Variants in DLGAP1 observed in about 807,000 individuals in gnomAD.
DLGAP1 encodes the protein disks large-associated protein 1.
A neutral mutation model predicts 90.8 loss-of-function variants in DLGAP1; 11 were observed. The ratio of observed to expected loss-of-function variants is 0.12; its 90% CI spans 0.08 to 0.20. The LOEUF is 0.20. Among genes scored for constraint, DLGAP1 ranks in the 10% least tolerant of loss-of-function variants. The probability of loss-of-function intolerance (pLI) is 1.00; values close to 1 mark genes in which losing one functional copy is unlikely to be tolerated. For missense variants in DLGAP1, 1,050 were observed against 1,333.8 expected (o/e 0.79, Z 3.31); for synonymous variants, 558 against 540.7 (o/e 1.03, Z -0.44).
intron 4 of DLGAP1, among the ~76,000 whole-genome samples, chr18:3,835,340 A>G (rs556966883): frequency 6.6e-6 from 1 of 152,194 alleles, no homozygotes; most frequent in Non-Finnish European, 1.5e-5. Flanking sequence ...TTATAGAATG[A>G]GTGCTTCATA....
intron 1 of DLGAP1, among the ~76,000 whole-genome samples, chr18:4,326,667 AAAG>A (rs1338335013): frequency 6.6e-6 from 1 of 152,182 alleles, no homozygotes; most frequent in East Asian, 1.9e-4. Context: ...AGCCATAAAA[AAAG>A]AATGAGCTCA....
At chr18:3,583,790 A>G (rs1199234645) in intron 7 of DLGAP1, among the ~76,000 whole-genome samples, 1 of 152,184 alleles carries the variant, frequency 6.6e-6, no homozygotes, top group Non-Finnish European at 1.5e-5. Flanking sequence ...TGTACTAAAA[A>G]TACAAAAATT....
At position 3,891,644 on chromosome 18, in the gene DLGAP1, T is replaced by C. The variant is rs534776322; in HGVS notation, c.-72-11504A>G. On this transcript the variant is annotated intron_variant, in intron 3 of 12. Coordinates refer to ENST00000315677, the MANE Select transcript of DLGAP1 (RefSeq NM_004746.4). ...ATCATAACTATATACCAGGCACGTG[T>C]TGTCCACTTTAAATGCATGATCTCA... 6.2e-4 allele frequency among the ~76,000 whole-genome samples: 94 copies of C among 152,338 alleles called. 1 individual carries two copies. Among genetic ancestry groups the C allele is most frequent in the Non-Finnish European group, 1.2e-3 (84 of 68,040 alleles).
rs550921889 is a variant in DLGAP1 at position 3,740,823 on chromosome 18, T to C, written c.1350+1512A>G. Among the ~76,000 whole-genome samples the C allele has an allele frequency of 2.0e-3, 279 of 142,944 alleles. 6 individuals carry two copies. The highest frequency in any genetic ancestry group is 6.8e-4 in the East Asian group (3 of 4,438). The allele number at this position is 142,944 out of a possible 152,430, so 93.8% of individuals were successfully genotyped here. A position where few individuals can be genotyped will look rare whatever the true frequency, so the allele number is the denominator to read the frequency against. On this transcript the variant is annotated intron_variant, in intron 6 of 12. Transcript: ENST00000315677. ...ACCACCACCGCCACCACTGTCACCA[T>C]TGCTATTACCATAATCATCACCACC... is the stretch of plus-strand genomic sequence containing the variant.
At chr18:4,337,518 G>A (rs958797473) in intron 1 of DLGAP1, among the ~76,000 whole-genome samples, 3 of 152,002 alleles carry the variant, frequency 2.0e-5, no homozygotes, top group African/African-American at 7.3e-5. Context: ...AACAATTATA[G>A]TTCATATCCT....
At chr18:4,306,959 AC>A (rs1427482600) in intron 1 of DLGAP1, among the ~76,000 whole-genome samples, 3 of 152,256 alleles carry the variant, frequency 2.0e-5, no homozygotes, top group African/African-American at 7.2e-5. Flanking sequence ...TCTCAATAGC[AC>A]GTTAATTTTA....
intron 9 of DLGAP1, among the ~76,000 whole-genome samples, chr18:3,549,706 T>C (rs1218129033): frequency 6.6e-6 from 1 of 152,168 alleles, no homozygotes; most frequent in African/African-American, 2.4e-5. Context: ...TATAGCTGTA[T>C]TATTAATTTG....
intron 3 of DLGAP1, among the ~76,000 whole-genome samples, chr18:3,942,387 A>G (rs1023491249): frequency 6.6e-6 from 1 of 152,210 alleles, no homozygotes; most frequent in African/African-American, 2.4e-5. Context: ...GCACAGTCGG[A>G]GCTTTCCACC....
At chr18:3,554,005 G>GT (rs1480204615) in intron 9 of DLGAP1, among the ~76,000 whole-genome samples, 1 of 152,144 alleles carries the variant, frequency 6.6e-6, no homozygotes, top group Non-Finnish European at 1.5e-5. Context: ...ATGGGCTAAT[G>GT]TAAGAAAGTC....
intron 1 of DLGAP1, among the ~76,000 whole-genome samples, chr18:4,295,604 TATA>T (rs1262140220): frequency 6.6e-6 from 1 of 152,230 alleles, no homozygotes; most frequent in Non-Finnish European, 1.5e-5. Context: ...GTCAAGGACC[TATA>T]ATACTAAATG....
At chr18:3,522,192 A>G (rs1268019677) in intron 10 of DLGAP1, among the ~76,000 whole-genome samples, 1 of 139,810 alleles carries the variant, frequency 7.2e-6, no homozygotes, top group Non-Finnish European at 1.5e-5. Context: ...GCTGGAGTGC[A>G]ATAGTACCAT....
At chr18:3,860,068 C>A (rs986186859) in intron 4 of DLGAP1, among the ~76,000 whole-genome samples, 10 of 126,468 alleles carry the variant, frequency 7.9e-5, no homozygotes, top group Non-Finnish European at 1.6e-4. Flanking sequence ...CACTGCACTC[C>A]AGCCTGGGCG....
intron 3 of DLGAP1, chr18:3,977,515 C>G (rs1260507379): frequency 6.7e-6 from 1 of 149,232 alleles, no homozygotes; most frequent in Non-Finnish European, 1.4e-5. Flanking sequence ...AGGTCTCACC[C>G]TCTTCAGGGG....
intron 1 of DLGAP1, among the ~76,000 whole-genome samples, chr18:4,204,877 A>ATT (rs66487258): frequency 5.4e-5 from 8 of 147,082 alleles, no homozygotes; most frequent in Non-Finnish European, 1.1e-4. Context: ...CCTTTTCCCA[A>ATT]TTTTTTTTTT....
chr18:3,801,110 A>C (rs1382866449), intron 5 of DLGAP1, among the ~76,000 whole-genome samples: 1 of 152,116 alleles, frequency 6.6e-6, no homozygotes, highest in Non-Finnish European at 1.5e-5. Context: ...GAACAACCAG[A>C]TCTTGCGTGA....
chr18:3,518,700 CATA>C (rs753616172), intron 10 of DLGAP1, among the ~76,000 whole-genome samples: 2 of 152,100 alleles, frequency 1.3e-5, no homozygotes, highest in Non-Finnish European at 2.9e-5. Context: ...CTTTAATGGC[CATA>C]ATATCATCTC....
At chr18:4,307,706 T>G (rs529444815) in intron 1 of DLGAP1, among the ~76,000 whole-genome samples, 3,394 of 110,904 alleles carry the variant, frequency 0.031, 49 homozygotes, top group East Asian at 0.053. Context: ...ACTTGAGGGT[T>G]TACTTTTTTT....
intron 1 of DLGAP1, among the ~76,000 whole-genome samples, chr18:4,205,013 G>A (rs1230728599): frequency 1.3e-5 from 2 of 151,998 alleles, no homozygotes; most frequent in East Asian, 3.9e-4. Context: ...TTGCTTAAGG[G>A]GAAAATTAAG....
chr18:4,180,657 C>T (rs1297785553), intron 1 of DLGAP1, among the ~76,000 whole-genome samples: 4 of 152,162 alleles, frequency 2.6e-5, no homozygotes, highest in Admixed American at 1.3e-4. Flanking sequence ...AACTTTCACC[C>T]AGGCTCACCT....
Sources: gnomAD v4.1 joint callset for allele counts (sites outside exome capture counted in the v4.1 genomes callset) on GRCh38, gnomAD v4.1.1 for gene constraint, MANE v1.5 for transcripts, NCBI Gene and HGNC (gene_info 2026-07-23, HGNC 2026-07-21) for gene names.